Variants in USP1 observed in about 807,000 individuals in gnomAD.
USP1 encodes the protein ubiquitin carboxyl-terminal hydrolase 1.
Under a neutral mutation model 72.2 loss-of-function variants are expected in USP1, and 18 were observed. The observed-to-expected ratio is 0.25, with a 90% confidence interval of 0.17 to 0.37. USP1 has a LOEUF of 0.37. Ranked by LOEUF, USP1 falls within the 10% of genes least tolerant of loss-of-function variation. The pLI is 1.00. For missense variants in USP1, 759 were observed against 884.9 expected (o/e 0.86, Z 1.81); for synonymous variants, 354 against 303.7 (o/e 1.17, Z -1.72).
intron 6 of USP1, among the ~76,000 whole-genome samples, chr1:62,445,761 C>T (rs1243468269): frequency 6.6e-6 from 1 of 152,062 alleles, no homozygotes; most frequent in Admixed American, 6.6e-5. Context: ...GGCAGATCAC[C>T]TGCGGTCAGG....
intron 8 of USP1, 132 bp downstream of exon 8, chr1:62,448,798 T>C: frequency 3.2e-6 from 3 of 938,114 alleles, no homozygotes; most frequent in Non-Finnish European, 4.7e-6. Flanking sequence ...TTCAGTAAAG[T>C]TTTGTTCTTA....
rs1419177090 is a variant in USP1 at position 62,450,405 on chromosome 1, C to T, written c.1782C>T (p.Tyr594=). Residue 594 remains tyrosine (Y), a synonymous_variant, in exon 9 of 9, where the codon TAC becomes TAT. Coordinates refer to ENST00000339950, the MANE Select transcript of USP1 (RefSeq NM_003368.5). ...GCATTACAATTAGTAGTGGGCATTA[C>T]ACTGCTTCTGTTAAAGTCACTGACC... ...HSGITISSGH[Y]TASVKVTDLN... is the part of the protein sequence containing the mutation. The T allele has an allele frequency of 1.2e-6, 2 of 1,613,990 alleles. No individual in the cohort carries two copies. The highest frequency in any genetic ancestry group is 2.7e-5 in the African/African-American group (2 of 74,906).
In USP1 at chr1:62,444,653, TC is replaced by T. The variant is rs1645157287; in HGVS notation, c.558-83del. On this transcript the variant is annotated intron_variant, in intron 5 of 8. Coordinates refer to ENST00000339950, the MANE Select transcript of USP1 (RefSeq NM_003368.5). ...TAAAAAATGAAATAATTTATGATTT[TC>T]CTTACATGAATTAATTTCTATATAG... 1.5e-5 allele frequency: 16 copies of T among 1,070,612 alleles called. No individual in the cohort carries two copies. The South Asian group carries it at 3.8e-4, about 25-fold the overall frequency. 66.3% of individuals were successfully genotyped at this position (1,070,612 alleles called of 1,614,324 possible).
chr1:62,451,015 A>C lies in USP1; in HGVS notation c.*34A>C. On this transcript the variant is annotated 3_prime_UTR_variant, in exon 9 of 9. Transcript: ENST00000339950. ...TATTTTCCTTGTGTATATATTAAAC[A>C]CACCCATACAAACATTGGTAAAGTT... 1 of 1,513,396 alleles carries C rather than the reference A, an allele frequency of 6.6e-7. No individual in the cohort carries two copies. Among genetic ancestry groups the C allele is most frequent in the Non-Finnish European group, 8.8e-7 (1 of 1,138,408 alleles). The allele number at this position is 1,513,396 out of a possible 1,614,324, so 93.7% of individuals were successfully genotyped here. A position where few individuals can be genotyped will look rare whatever the true frequency, so the allele number is the denominator to read the frequency against.
chr1:62,448,754 A>G, intron 8 of USP1, 88 bp downstream of exon 8: 1 of 1,296,274 alleles, frequency 7.7e-7, no homozygotes, highest in South Asian at 1.3e-5. Context: ...GTAGGAATAT[A>G]AAGTACTGAA....
intron 1 of USP1, among the ~76,000 whole-genome samples, chr1:62,438,235 A>G (rs1645105648): frequency 6.6e-6 from 1 of 152,080 alleles, no homozygotes; most frequent in Admixed American, 6.5e-5. Flanking sequence ...TCGGTTTGAG[A>G]TCCAGTTTCT....
chr1:62,441,672 G>C, intron 3 of USP1, 64 bp downstream of exon 3: 1 of 1,516,796 alleles, frequency 6.6e-7, no homozygotes, highest in Non-Finnish European at 8.8e-7. Context: ...AGCATTTAAT[G>C]TTTTTGAGTT....
Position 62,440,145 on chromosome 1 carries a change from C to T in USP1, c.170+108C>T, listed in dbSNP as rs1483382503. ...TAGTCTGTAGCGGCACAAAAAAGTA[C>T]GCTTCAGTGTACTTCTTAGTCAAAT... On this transcript the variant is annotated intron_variant, in intron 2 of 8. Coordinates refer to ENST00000339950, the MANE Select transcript of USP1 (RefSeq NM_003368.5). 63 of 1,001,130 alleles carry T rather than the reference C, an allele frequency of 6.3e-5. No individual in the cohort carries two copies. In the East Asian group the frequency reaches 1.7e-3, roughly 27 times the overall value. The allele number at this position is 1,001,130 out of a possible 1,614,324, so 62.0% of individuals were successfully genotyped here.
intron 5 of USP1, among the ~76,000 whole-genome samples, chr1:62,443,946 A>T (rs1279666035): frequency 6.6e-6 from 1 of 152,130 alleles, no homozygotes; most frequent in Non-Finnish European, 1.5e-5. Context: ...ACTAGGTGCA[A>T]TATATTGCTA....
rs151062149 is a variant in USP1 at position 62,448,482 on chromosome 1, A to G, written c.1438A>G (p.Thr480Ala). The change falls in exon 8 of 9, where the codon ACA (threonine) becomes GCA (alanine). Residue 480 changes from threonine (T) to alanine (A), a missense_variant. Coordinates refer to ENST00000339950, the MANE Select transcript of USP1 (RefSeq NM_003368.5). ...TTTTTTAGTTTCTCCAGAGCCAAAA[A>G]CAGAAATGAAGACCCTGAGATGGGC... Reference protein sequence around the residue: ...ESSEISPEPKTEMKTLRWAIS... With the variant: ...ESSEISPEPKAEMKTLRWAIS... The G allele has an allele frequency of 2.3e-4, 373 of 1,613,918 alleles. 1 individual carries two copies. In the African/African-American group the frequency reaches 3.0e-3, roughly 13 times the overall value.
intron 8 of USP1, 121 bp downstream of exon 8, chr1:62,448,787 C>T (rs1645193804): frequency 9.5e-7 from 1 of 1,055,390 alleles, no homozygotes; most frequent in African/African-American, 1.6e-5. Context: ...GTAAAGATTG[C>T]TTCAGTAAAG....
chr1:62,439,401 T>G (rs1480928239), intron 1 of USP1, among the ~76,000 whole-genome samples: 1 of 152,194 alleles, frequency 6.6e-6, no homozygotes, highest in Non-Finnish European at 1.5e-5. Context: ...GTCAGGCTGG[T>G]CTCGAACTCC....
At chr1:62,443,998 C>T (rs1398584180) in intron 5 of USP1, among the ~76,000 whole-genome samples, 1 of 152,086 alleles carries the variant, frequency 6.6e-6, no homozygotes, top group Non-Finnish European at 1.5e-5. Context: ...ACAGCTCACA[C>T]TTGTAATCCC....
In USP1 at chr1:62,445,324, T is replaced by C. The variant is rs777952006; in HGVS notation, c.1144T>C (p.Leu382=). The C allele has an allele frequency of 1.2e-5, 19 of 1,613,490 alleles. No individual in the cohort carries two copies. Among genetic ancestry groups the C allele is most frequent in the Non-Finnish European group, 1.6e-5 (19 of 1,179,828 alleles). Residue 382 remains leucine (L), a synonymous_variant, in exon 6 of 9, where the codon TTG becomes CTG. Transcript: ENST00000339950. ...KENECDPEED[L]GKCESDNTTN... ...AAATGAATGTGATCCTGAAGAGGAC[T>C]TGGGGAAGTGTGAAAGTGATAACAC...
Position 62,451,127 on chromosome 1 carries a change from G to A in USP1, c.*146G>A. 1 of 810,082 alleles carries A rather than the reference G, an allele frequency of 1.2e-6. No individual in the cohort carries two copies. The highest frequency in any genetic ancestry group is 3.0e-5 in the South Asian group (1 of 33,760). The allele number at this position is 810,082 out of a possible 1,614,324, so 50.2% of individuals were successfully genotyped here. On this transcript the variant is annotated 3_prime_UTR_variant, in exon 9 of 9. Transcript: ENST00000339950. ...GGTTTTTATATAAATAGTGAAATTTGAATTACTGAAAACCATGTTAATTTT... is the reference window on the plus strand; with the variant it reads ...GGTTTTTATATAAATAGTGAAATTTAAATTACTGAAAACCATGTTAATTTT...
At chr1:62,446,802 T>G (rs1645178080) in intron 6 of USP1, among the ~76,000 whole-genome samples, 1 of 152,022 alleles carries the variant, frequency 6.6e-6, no homozygotes, top group African/African-American at 2.4e-5. Context: ...AACTGACTTT[T>G]TTTTATTTTT....
rs1016477522 is a variant in USP1, at chr1:62,438,262, G to A, written c.-70+862G>A. Among the ~76,000 whole-genome samples, 3 of 152,056 alleles carry A rather than the reference G, an allele frequency of 2.0e-5. No homozygotes were observed. The East Asian group carries it at 5.8e-4, about 29-fold the overall frequency. On this transcript the variant is annotated intron_variant, in intron 1 of 8. Coordinates refer to ENST00000339950, the MANE Select transcript of USP1 (RefSeq NM_003368.5). ...CCAGTTTCTGTCATCCATTAAATTG[G>A]CTCTCGAGAAAAACCTTTTATCAGA...
At position 62,450,619 on chromosome 1, in the gene USP1, A is replaced by G. The variant is rs141001844; in HGVS notation, c.1996A>G (p.Ile666Val). ...KVLNKKNVEA[I>V]GLLGGQKSKA... ...TTTGAACAAAAAAAATGTAGAAGCTATTGGACTTCTTGGAGGACAAAAGAG... is the reference window on the plus strand; with the variant it reads ...TTTGAACAAAAAAAATGTAGAAGCTGTTGGACTTCTTGGAGGACAAAAGAG... The change falls in exon 9 of 9, where the codon ATT becomes GTT. Residue 666 changes from isoleucine (I) to valine (V), a missense_variant. By Grantham distance (29) the Ile-to-Val change is conservative. Coordinates refer to ENST00000339950, the MANE Select transcript of USP1 (RefSeq NM_003368.5). 3,212 of 1,614,146 alleles carry G rather than the reference A, an allele frequency of 2.0e-3. 32 individuals carry two copies. The Middle Eastern group carries it at 0.031, about 15-fold the overall frequency.
rs1033182619 is a variant in USP1 at position 62,451,471 on chromosome 1, C to T, written c.*490C>T. 6.5e-6 allele frequency: 1 copy of T among 153,148 alleles called. No individual in the cohort carries two copies. Among genetic ancestry groups the T allele is most frequent in the Non-Finnish European group, 1.5e-5 (1 of 68,500 alleles). The allele number at this position is 153,148 out of a possible 1,614,324, so 9.5% of individuals were successfully genotyped here. A position where few individuals can be genotyped will look rare whatever the true frequency, so the allele number is the denominator to read the frequency against. On this transcript the variant is annotated 3_prime_UTR_variant, in exon 9 of 9. Transcript: ENST00000339950. ...GCACAAAGTCTAGAATGTGTGTATT[C>T]ACAATGGTGTATGTACATTTTGTGC...
Sources: gnomAD v4.1 joint callset for allele counts (sites outside exome capture counted in the v4.1 genomes callset) on GRCh38, gnomAD v4.1.1 for gene constraint, MANE v1.5 for transcripts, NCBI Gene and HGNC (gene_info 2026-07-23, HGNC 2026-07-21) for gene names.